The following RADIL variants were observed in gnomAD, a reference collection of about 807,000 sequenced individuals.
RADIL encodes Rap associating with DIL domain.
In RADIL, 99 loss-of-function variants were observed where a neutral mutation model predicts 97.6. The ratio of observed to expected loss-of-function variants is 1.01; its 90% CI spans 0.86 to 1.20. The LOEUF (loss-of-function observed/expected upper bound fraction) is 1.20, where lower values mean the gene tolerates loss of function less well. Ranked by LOEUF, RADIL falls within the 50% of genes most tolerant of loss-of-function variation. RADIL has a pLI of 0.00. For missense variants in RADIL, 1,765 were observed against 1,498.9 expected (o/e 1.18, Z -2.93); for synonymous variants, 803 against 691.8 (o/e 1.16, Z -2.52).
In RADIL at chr7:4,836,586, C is replaced by A; in HGVS notation, c.555G>T (p.Arg185=). The A allele has an allele frequency of 6.2e-7, 1 of 1,607,574 alleles. No individual in the cohort carries two copies. Among genetic ancestry groups the A allele is most frequent in the South Asian group, 1.1e-5 (1 of 91,036 alleles). The part of the protein sequence containing the change: ...TITAGINAQA[R]RLQRSRAKGT... ...CCTTCGCGCGACTCCGCTGCAGCCT[C>A]CGGGCCTGGGCGTTTATCCCTGGAA... The change falls in exon 3 of 15, where the codon CGG becomes CGT. Residue 185 remains arginine, a synonymous_variant. Coordinates refer to ENST00000399583, the MANE Select transcript of RADIL (RefSeq NM_018059.5).
At chr7:4,810,388 G>A (rs964475782) in intron 9 of RADIL, among the ~76,000 whole-genome samples, 1 of 151,874 alleles carries the variant, frequency 6.6e-6, no homozygotes, top group Non-Finnish European at 1.5e-5. Context: ...AGGCTGGTCT[G>A]GAAGTCCTGG....
rs949087541 is a variant in RADIL, at chr7:4,867,910, G to C, written c.535+9695C>G. On this transcript the variant is annotated intron_variant, in intron 2 of 14. Transcript: ENST00000399583. This position sits in a 1 kb window ranked among gnomAD's most constrained non-coding sequence, Gnocchi z 4.1. Reference sequence around the variant, plus strand: ...GAAACCCATGGCCACACAAAGCAGAGAGAAGCTTGGCCCTTTCTCTGCACT... The same window carrying C: ...GAAACCCATGGCCACACAAAGCAGACAGAAGCTTGGCCCTTTCTCTGCACT... 6.6e-6 allele frequency among the ~76,000 whole-genome samples: 1 copy of C among 152,220 alleles called. No individual in the cohort carries two copies. The highest frequency in any genetic ancestry group is 1.5e-5 in the Non-Finnish European group (1 of 68,038).
Position 4,854,765 on chromosome 7 carries a change from T to C in RADIL, c.536-18160A>G, listed in dbSNP as rs1450220331. On this transcript the variant is annotated intron_variant, in intron 2 of 14. Coordinates refer to ENST00000399583, the MANE Select transcript of RADIL (RefSeq NM_018059.5). The surrounding 1 kb of genome is among the most constrained non-coding windows in gnomAD (Gnocchi z 5.1). Reference sequence around the variant, plus strand: ...GTTGTTTAATTATATTTCACACATATGAAAGCATTTGTAACTTAGACTAAT... The same window carrying C: ...GTTGTTTAATTATATTTCACACATACGAAAGCATTTGTAACTTAGACTAAT... Among the ~76,000 whole-genome samples the C allele has an allele frequency of 6.6e-6, 1 of 152,168 alleles. No homozygotes were observed. Among genetic ancestry groups the C allele is most frequent in the African/African-American group, 2.4e-5 (1 of 41,444 alleles).
At position 4,814,163 on chromosome 7, in the gene RADIL, AT is replaced by A. The variant is rs1782615643; in HGVS notation, c.2139+1114del. 6.6e-6 allele frequency among the ~76,000 whole-genome samples: 1 copy of A among 151,946 alleles called. No individual in the cohort carries two copies. The highest frequency in any genetic ancestry group is 1.5e-5 in the Non-Finnish European group (1 of 67,994). ...ATCGCATTGCTTTTGCCTCCTCTAGATTTTATCCTCATGGGTTTGTGGCATT... is the reference window on the plus strand; with the variant it reads ...ATCGCATTGCTTTTGCCTCCTCTAGATTTATCCTCATGGGTTTGTGGCATT... On this transcript the variant is annotated intron_variant, in intron 9 of 14. Transcript: ENST00000399583. The surrounding 1 kb of genome is among the most constrained non-coding windows in gnomAD (Gnocchi z 4.5).
intron 10 of RADIL, chr7:4,804,124 C>T: frequency 3.1e-6 from 1 of 326,060 alleles, no homozygotes; most frequent in East Asian, 6.9e-5. Flanking sequence ...GACGCAAGCT[C>T]CTCCCAGGGC....
Position 4,842,994 on chromosome 7 carries a change from C to G in RADIL, c.536-6389G>C, listed in dbSNP as rs1403527594. Among the ~76,000 whole-genome samples, 2 of 149,652 alleles carry G rather than the reference C, an allele frequency of 1.3e-5. No homozygotes were observed. Among genetic ancestry groups the G allele is most frequent in the Non-Finnish European group, 3.0e-5 (2 of 67,624 alleles). On this transcript the variant is annotated intron_variant, in intron 2 of 14. Transcript: ENST00000399583. The surrounding 1 kb of genome is among the most constrained non-coding windows in gnomAD (Gnocchi z 4.5). ...TATAGGTGCGCACCCCCATGCCCGG[C>G]AAGAGACAATTTTTTTTTTTTTTTT...
intron 9 of RADIL, among the ~76,000 whole-genome samples, chr7:4,810,544 G>A (rs758688084): frequency 6.6e-6 from 1 of 152,206 alleles, no homozygotes; most frequent in Non-Finnish European, 1.5e-5. Flanking sequence ...CATCCCTCAT[G>A]TTGTTGATAA....
At chr7:4,803,862 G>A (rs1278898184) in intron 10 of RADIL, 108 bp from the exon 11 acceptor site, 1 of 993,672 alleles carries the variant, frequency 1.0e-6, no homozygotes, top group Admixed American at 2.0e-5. Context: ...ATTGAGCCCT[G>A]AGTCCCCTGC....
At chr7:4,841,863 C>A (rs539737027) in intron 2 of RADIL, among the ~76,000 whole-genome samples, 1 of 152,134 alleles carries the variant, frequency 6.6e-6, no homozygotes, top group African/African-American at 2.4e-5. Context: ...GGGTTCAAGC[C>A]GAGGCTGATC....
intron 2 of RADIL, among the ~76,000 whole-genome samples, chr7:4,868,156 G>A (rs529437199): frequency 6.6e-5 from 10 of 152,026 alleles, no homozygotes; most frequent in South Asian, 2.1e-4. Flanking sequence ...TCCGCCTCCC[G>A]GGTTCATGCC....
Position 4,872,657 on chromosome 7 carries a change from A to G in RADIL, c.535+4948T>C, listed in dbSNP as rs1009355566. Among the ~76,000 whole-genome samples, 8 of 151,750 alleles carry G rather than the reference A, an allele frequency of 5.3e-5. No homozygotes were observed. Among genetic ancestry groups the G allele is most frequent in the African/African-American group, 1.9e-4 (8 of 41,286 alleles). On this transcript the variant is annotated intron_variant, in intron 2 of 14. Coordinates refer to ENST00000399583, the MANE Select transcript of RADIL (RefSeq NM_018059.5). This position sits in a 1 kb window ranked among gnomAD's most constrained non-coding sequence, Gnocchi z 5.8. ...CAGCACCAGCCTCCTCCTGGAAGAG[A>G]CCCTCTAGGTCTTGTGACTCTGGAA...
chr7:4,830,347 G>A (rs751352763), intron 5 of RADIL, among the ~76,000 whole-genome samples: 1 of 152,142 alleles, frequency 6.6e-6, no homozygotes, highest in Non-Finnish European at 1.5e-5. Context: ...TGGGAGCGTA[G>A]GCCGCAGGGG....
In RADIL at chr7:4,822,597, C is replaced by A; in HGVS notation, c.1455-43G>T. 4 of 1,589,566 alleles carry A rather than the reference C, an allele frequency of 2.5e-6. No individual in the cohort carries two copies. The highest frequency in any genetic ancestry group is 3.4e-6 in the Non-Finnish European group (4 of 1,169,712). On this transcript the variant is annotated intron_variant, in intron 5 of 14. Coordinates refer to ENST00000399583, the MANE Select transcript of RADIL (RefSeq NM_018059.5). The surrounding 1 kb of genome is among the most constrained non-coding windows in gnomAD (Gnocchi z 5.3). ...CTAAGAGTTACGCGGGGACCCGACC[C>A]TCAGGAGGCTGAATCTACCACTCTT...
In RADIL at chr7:4,878,297, G is replaced by T; in HGVS notation, c.-64-94C>A. 2.5e-6 allele frequency: 2 copies of T among 788,768 alleles called. No homozygotes were observed. Among genetic ancestry groups the T allele is most frequent in the Non-Finnish European group, 3.9e-6 (2 of 512,556 alleles). 48.9% of individuals were successfully genotyped at this position (788,768 alleles called of 1,614,324 possible). A position where few individuals can be genotyped will look rare whatever the true frequency, so the allele number is the denominator to read the frequency against. ...GGTGACTCCTGCCCGTCATCCCAGCGCTTTAGAAGGCCAAGGTGGGAGGAC... is the reference window on the plus strand; with the variant it reads ...GGTGACTCCTGCCCGTCATCCCAGCTCTTTAGAAGGCCAAGGTGGGAGGAC... On this transcript the variant is annotated intron_variant, in intron 1 of 14. Coordinates refer to ENST00000399583, the MANE Select transcript of RADIL (RefSeq NM_018059.5). This position sits in a 1 kb window ranked among gnomAD's most constrained non-coding sequence, Gnocchi z 4.1.
At chr7:4,874,007 G>A (rs1408053217) in intron 2 of RADIL, among the ~76,000 whole-genome samples, 1 of 152,204 alleles carries the variant, frequency 6.6e-6, no homozygotes, top group Non-Finnish European at 1.5e-5. Flanking sequence ...GCCTAGTGCC[G>A]GCTGCAAACT....
chr7:4,804,413 C>T (rs1016731590), intron 10 of RADIL, among the ~76,000 whole-genome samples: 2 of 152,238 alleles, frequency 1.3e-5, no homozygotes, highest in Non-Finnish European at 2.9e-5. Context: ...TCTGCGCCTC[C>T]CGCCATCCCG....
At chr7:4,843,003 AT>A (rs376252570) in intron 2 of RADIL, among the ~76,000 whole-genome samples, 2,587 of 127,316 alleles carry the variant, frequency 0.02, 35 homozygotes, top group African/African-American at 0.051. Context: ...GCAAGAGACA[AT>A]TTTTTTTTTT....
intron 5 of RADIL, among the ~76,000 whole-genome samples, chr7:4,823,566 G>T (rs532404917): frequency 6.6e-6 from 1 of 152,086 alleles, no homozygotes; most frequent in Non-Finnish European, 1.5e-5. Flanking sequence ...GTAGGGGTTG[G>T]GGGGGCGCCC....
intron 2 of RADIL, among the ~76,000 whole-genome samples, chr7:4,839,242 C>T (rs1407609230): frequency 1.3e-5 from 2 of 152,152 alleles, no homozygotes; most frequent in African/African-American, 2.4e-5. Context: ...ATTTTTTACC[C>T]CAAAGTCATT....
Sources: gnomAD v4.1 joint callset for allele counts (sites outside exome capture counted in the v4.1 genomes callset) on GRCh38, gnomAD v4.1.1 for gene constraint, Gnocchi (gnomAD v3.1) non-coding constraint, MANE v1.5 for transcripts, NCBI Gene and HGNC (gene_info 2026-07-23, HGNC 2026-07-21) for gene names.